The following ASPM variants were observed in gnomAD, a reference collection of about 807,000 sequenced individuals.
ASPM encodes the protein abnormal spindle-like microcephaly-associated protein.
A neutral mutation model predicts 366.4 loss-of-function variants in ASPM; 256 were observed. That is an observed-to-expected ratio of 0.70 (90% confidence interval 0.63 to 0.77). The LOEUF (loss-of-function observed/expected upper bound fraction) is 0.77, where lower values mean the gene tolerates loss of function less well. ASPM is among the 30% of genes least tolerant of loss of function. ASPM has a pLI of 0.00. For synonymous variants in ASPM, 1,414 were observed against 1,342.9 expected (o/e 1.05, Z -1.16); for missense variants, 4,146 against 4,090.4 (o/e 1.01, Z -0.37).
chr1:197,110,546 T>A (rs1172239643), intron 17 of ASPM, among the ~76,000 whole-genome samples: 1 of 151,970 alleles, frequency 6.6e-6, no homozygotes, highest in African/African-American at 2.4e-5. Flanking sequence ...ATGAACTACT[T>A]CTGCTGAACA....
At position 197,122,370 on chromosome 1, in the gene ASPM, T is replaced by A. The variant is rs758960488; in HGVS notation, c.3598+18A>T. On this transcript the variant is annotated intron_variant, in intron 14 of 27. Coordinates refer to ENST00000367409, the MANE Select transcript of ASPM (RefSeq NM_018136.5). ...CAGACATGGCAAAAAATTGGAAAAGTAACCAAAAGGGACTAACCATGATCA... is the reference window on the plus strand; with the variant it reads ...CAGACATGGCAAAAAATTGGAAAAGAAACCAAAAGGGACTAACCATGATCA... 1 of 1,613,526 alleles carries A rather than the reference T, an allele frequency of 6.2e-7. No individual in the cohort carries two copies. Among genetic ancestry groups the A allele is most frequent in the South Asian group, 1.1e-5 (1 of 91,058 alleles).
In ASPM at chr1:197,088,474, A is replaced by G. The variant is rs765975722; in HGVS notation, c.9985-42T>C. The G allele has an allele frequency of 1.8e-5, 28 of 1,536,354 alleles. 1 individual carries two copies. In the South Asian group the frequency reaches 3.2e-4, roughly 18 times the overall value. On this transcript the variant is annotated intron_variant, in intron 25 of 27. Coordinates refer to ENST00000367409, the MANE Select transcript of ASPM (RefSeq NM_018136.5). ...TGAAATTAAAAGTTGTAATAAACAC[A>G]TACATTTACAAACAACCCAACCAAA...
chr1:197,099,414 G>A (rs941857658), intron 18 of ASPM, among the ~76,000 whole-genome samples: 10 of 151,140 alleles, frequency 6.6e-5, no homozygotes, highest in African/African-American at 1.2e-4. Context: ...ATTTTTCCAC[G>A]TTATCTCTTG....
In ASPM at chr1:197,106,679, C is replaced by A. The variant is rs151246093; in HGVS notation, c.4066-1494G>T. Among the ~76,000 whole-genome samples the A allele has an allele frequency of 9.0e-3, 1,366 of 152,180 alleles. 18 individuals carry two copies. Among genetic ancestry groups the A allele is most frequent in the African/African-American group, 0.029 (1,211 of 41,546 alleles). On this transcript the variant is annotated intron_variant, in intron 17 of 27. Coordinates refer to ENST00000367409, the MANE Select transcript of ASPM (RefSeq NM_018136.5). ...GCTTATTACAATAGCAATTTTTTCA[C>A]CATTGTCATACAATTCTTAAAAATA...
chr1:197,114,550 T>C (rs1167760290), intron 17 of ASPM, among the ~76,000 whole-genome samples: 1 of 152,208 alleles, frequency 6.6e-6, no homozygotes, highest in Non-Finnish European at 1.5e-5. Context: ...ACTAAATTTA[T>C]ATACTGTTTT....
Position 197,102,133 on chromosome 1 carries a change from G to A in ASPM, c.7118C>T (p.Ala2373Val). 2 of 1,612,892 alleles carry A rather than the reference G, an allele frequency of 1.2e-6. No homozygotes were observed. The highest frequency in any genetic ancestry group is 1.7e-6 in the Non-Finnish European group (2 of 1,179,280). Residue 2373 changes from alanine to valine, a missense_variant, in exon 18 of 28, where the codon GCT (alanine) becomes GTT (valine). This residue lies in a region of ASPM where 3,624 missense variants were observed against 3,591.7 expected (regional missense o/e 1.01). Coordinates refer to ENST00000367409, the MANE Select transcript of ASPM (RefSeq NM_018136.5). ...VIQQQYQANR[A>V]AKLQRQHYLR... ...ATAATGCTGCCTCTGCAGTTTTGCAGCTCTATTTGCTTGGTATTGCTGTTG... is the reference window on the plus strand; with the variant it reads ...ATAATGCTGCCTCTGCAGTTTTGCAACTCTATTTGCTTGGTATTGCTGTTG...
At position 197,103,153 on chromosome 1, in the gene ASPM, C is replaced by T. The variant is rs1449219308; in HGVS notation, c.6098G>A (p.Gly2033Asp). The stretch of plus-strand genomic sequence containing the variant: ...CTTTATTCTTTTTCTCACTTTCATA[C>T]CACGATAAGCTGACTGTAAAGTTAC... Reference protein sequence around the residue: ...AVVTLQSAYRGMKVRKRIKDC... With the variant: ...AVVTLQSAYRDMKVRKRIKDC... Residue 2033 changes from glycine to aspartate, a missense_variant, in exon 18 of 28, where the codon GGT becomes GAT. Physicochemically the swap from Gly to Asp is moderately conservative, Grantham distance 94 (BLOSUM62 -1). Coordinates refer to ENST00000367409, the MANE Select transcript of ASPM (RefSeq NM_018136.5). The T allele has an allele frequency of 6.2e-7, 1 of 1,612,596 alleles. No individual in the cohort carries two copies. The highest frequency in any genetic ancestry group is 8.5e-7 in the Non-Finnish European group (1 of 1,179,344).
rs181856577 is a variant in ASPM at position 197,121,372 on chromosome 1, C to T, written c.3870+543G>A. ...CTCTATTCTCATGCCCAGATCCTAA[C>T]ATTTTGAAAAATTAATAGCAGAAAC... is the stretch of plus-strand genomic sequence containing the variant. On this transcript the variant is annotated intron_variant, in intron 16 of 27. Transcript: ENST00000367409. Among the ~76,000 whole-genome samples, 213 of 152,236 alleles carry T rather than the reference C, an allele frequency of 1.4e-3. 2 individuals carry two copies. The highest frequency in any genetic ancestry group is 4.7e-3 in the African/African-American group (197 of 41,554).
Position 197,102,645 on chromosome 1 carries a change from T to C in ASPM, c.6606A>G (p.Arg2202=). 2 of 1,612,766 alleles carry C rather than the reference T, an allele frequency of 1.2e-6. No individual in the cohort carries two copies. Among genetic ancestry groups the C allele is most frequent in the Non-Finnish European group, 1.7e-6 (2 of 1,179,294 alleles). ...AATLIQSNYR[R]YRQQTYFNKL... ...TATTAAAGTATGTTTGCTGTCTGTA[T>C]CTTCTGTAGTTTGACTGAATGAGTG... Residue 2202 remains arginine, a synonymous_variant, in exon 18 of 28, where the codon AGA becomes AGG. Coordinates refer to ENST00000367409, the MANE Select transcript of ASPM (RefSeq NM_018136.5).
At chr1:197,089,726 ATAT>A (rs1214161648) in intron 25 of ASPM, among the ~76,000 whole-genome samples, 1 of 150,766 alleles carries the variant, frequency 6.6e-6, no homozygotes, top group African/African-American at 2.5e-5. Flanking sequence ...ATTGTTTTTA[ATAT>A]TATAAAGACT....
At chr1:197,131,628 G>A (rs1040550999) in intron 7 of ASPM, among the ~76,000 whole-genome samples, 2 of 149,976 alleles carry the variant, frequency 1.3e-5, no homozygotes, top group Non-Finnish European at 3.0e-5. Context: ...GTGCGATCTC[G>A]GCTAACTGCA....
rs768169498 is a variant in ASPM, at chr1:197,124,113, T to A, written c.3387A>T (p.Lys1129Asn). The A allele has an allele frequency of 2.5e-6, 4 of 1,606,240 alleles. No homozygotes were observed. In the East Asian group the frequency reaches 9.0e-5, roughly 36 times the overall value. Residue 1129 changes from lysine to asparagine, a missense_variant, in exon 13 of 28, where the codon AAA becomes AAT. Coordinates refer to ENST00000367409, the MANE Select transcript of ASPM (RefSeq NM_018136.5). ...AACAAAAAACAAAGAAACTTACCTT[T>A]TTATTATAGAAGGCACAAACAGCAT... is the stretch of plus-strand genomic sequence containing the variant. ...WVNAVCAFYN[K>N]KVENFTVSFS...
At position 197,091,963 on chromosome 1, in the gene ASPM, G is replaced by C; in HGVS notation, c.9388C>G (p.Leu3130Val). The stretch of plus-strand genomic sequence containing the variant: ...TTAGCATTCTTCACAGCCAGGTAAA[G>C]TTTATAGGCTCTTTGAATTCTAACA... Reference protein sequence around the residue: ...NAVRIQRAYKLYLAVKNANKQ... With the variant: ...NAVRIQRAYKVYLAVKNANKQ... The change falls in exon 22 of 28, where the codon CTT becomes GTT. Residue 3130 changes from leucine (L) to valine (V), a missense_variant. Physicochemically the swap from Leu to Val is conservative, Grantham distance 32 (BLOSUM62 1). Transcript: ENST00000367409. The C allele has an allele frequency of 6.2e-7, 1 of 1,611,760 alleles. No homozygotes were observed. The highest frequency in any genetic ancestry group is 8.5e-7 in the Non-Finnish European group (1 of 1,178,870).
In ASPM at chr1:197,124,351, A is replaced by G. The variant is rs1658016240; in HGVS notation, c.3169-20T>C. ...ATCCACCTAAAACAAACACAAAAAA[A>G]GATAAATACCTTCATATTTTCCATA... On this transcript the variant is annotated intron_variant, in intron 12 of 27. Coordinates refer to ENST00000367409, the MANE Select transcript of ASPM (RefSeq NM_018136.5). The G allele has an allele frequency of 3.5e-6, 5 of 1,448,146 alleles. No individual in the cohort carries two copies. The highest frequency in any genetic ancestry group is 4.8e-6 in the Non-Finnish European group (5 of 1,035,790). 89.7% of individuals were successfully genotyped at this position (1,448,146 alleles called of 1,614,324 possible).
chr1:197,122,317 A>C lies in ASPM; in HGVS notation c.3599-16T>G. Reference sequence around the variant, plus strand: ...GAAGTATTTTCTATTATGCAGGAGGAAAGGAGAAATTAGCCGTAGCTTCAA... The same window carrying C: ...GAAGTATTTTCTATTATGCAGGAGGCAAGGAGAAATTAGCCGTAGCTTCAA... On this transcript the variant is annotated splice_polypyrimidine_tract_variant and intron_variant, in intron 14 of 27. Coordinates refer to ENST00000367409, the MANE Select transcript of ASPM (RefSeq NM_018136.5). The C allele has an allele frequency of 6.2e-7, 1 of 1,613,696 alleles. No individual in the cohort carries two copies. The highest frequency in any genetic ancestry group is 8.5e-7 in the Non-Finnish European group (1 of 1,179,720).
intron 7 of ASPM, 38 bp downstream of exon 7, chr1:197,132,247 A>C (rs1285088050): frequency 4.1e-6 from 6 of 1,479,926 alleles, no homozygotes; most frequent in Non-Finnish European, 5.5e-6. Flanking sequence ...GTATATAATA[A>C]AAAAATATTA....
chr1:197,097,218 TA>T (rs1656999289), intron 18 of ASPM, among the ~76,000 whole-genome samples: 1 of 151,782 alleles, frequency 6.6e-6, no homozygotes, highest in South Asian at 2.1e-4. Context: ...ACTAGACAGA[TA>T]ATCTCAAGTT....
At chr1:197,140,213 G>C (rs2125112559) in intron 3 of ASPM, among the ~76,000 whole-genome samples, 1 of 152,196 alleles carries the variant, frequency 6.6e-6, no homozygotes, top group South Asian at 2.1e-4. Context: ...TTCTCAGTCT[G>C]GTAAAAAAAG....
intron 3 of ASPM, among the ~76,000 whole-genome samples, chr1:197,142,107 G>T (rs771255673): frequency 1.3e-5 from 2 of 151,974 alleles, no homozygotes; most frequent in African/African-American, 4.8e-5. Context: ...TACTATCAAA[G>T]AATTTGTTAT....
Sources: allele counts gnomAD v4.1 joint callset (sites outside exome capture counted in the v4.1 genomes callset), GRCh38; gene constraint gnomAD v4.1.1; regional missense constraint gnomAD v4.1.1; transcripts MANE v1.5; gene names NCBI Gene and HGNC (gene_info 2026-07-23, HGNC 2026-07-21).